The following ATXN3 variants were observed in gnomAD, a reference collection of about 807,000 sequenced individuals.
ATXN3 encodes the protein ataxin-3.
In ATXN3, 28 loss-of-function variants were observed where a neutral mutation model predicts 58.2. That is an observed-to-expected ratio of 0.48 (90% CI 0.36 to 0.66). The LOEUF is 0.66. ATXN3 is among the 30% of genes least tolerant of loss of function. ATXN3 has a pLI of 0.00. For missense variants in ATXN3, 321 were observed against 422.1 expected (o/e 0.76, Z 2.10); for synonymous variants, 113 against 138.5 (o/e 0.82, Z 1.29).
intron 1 of ATXN3, among the ~76,000 whole-genome samples, chr14:92,104,275 G>A (rs1009131639): frequency 3.3e-5 from 5 of 152,062 alleles, no homozygotes; most frequent in Non-Finnish European, 7.4e-5. Flanking sequence ...AGAGTACCTG[G>A]GATTACAGGC....
upstream of ATXN3, among the ~76,000 whole-genome samples, chr14:92,051,509 T>A (rs2057447584): frequency 6.6e-6 from 1 of 152,058 alleles, no homozygotes; most frequent in Admixed American, 6.6e-5. Flanking sequence ...TTGTCAGATC[T>A]TCTCTTTATT....
At chr14:92,102,893 T>C (rs2067168651) in intron 1 of ATXN3, among the ~76,000 whole-genome samples, 1 of 152,038 alleles carries the variant, frequency 6.6e-6, no homozygotes, top group Non-Finnish European at 1.5e-5. Context: ...GAATTTGGCT[T>C]CTCCTAAAGC....
chr14:92,083,084 G>C (rs1001679631), intron 7 of ATXN3, 42 bp downstream of exon 7: 1 of 1,560,692 alleles, frequency 6.4e-7, no homozygotes, highest in Admixed American at 2.1e-5. Context: ...TTCTCATAAT[G>C]AAATACTACC....
Position 92,064,237 on chromosome 14 carries a change from C to A in ATXN3, c.*83G>T. On this transcript the variant is annotated 3_prime_UTR_variant, in exon 11 of 11. Transcript: ENST00000644486. ...AAGTCTTATTTCCTCATCTCTTTGACACATTACCAAAGTGGACCCTATGCT... is the reference window on the plus strand; with the variant it reads ...AAGTCTTATTTCCTCATCTCTTTGAAACATTACCAAAGTGGACCCTATGCT... 1.0e-6 allele frequency: 1 copy of A among 964,152 alleles called. No homozygotes were observed. The highest frequency in any genetic ancestry group is 1.6e-6 in the Non-Finnish European group (1 of 636,478). 59.7% of individuals were successfully genotyped at this position (964,152 alleles called of 1,614,324 possible). A position where few individuals can be genotyped will look rare whatever the true frequency, so the allele number is the denominator to read the frequency against.
In ATXN3 at chr14:92,071,066, A is replaced by C. The variant is rs757526227; in HGVS notation, c.873-13T>G. 1.8e-6 allele frequency: 2 copies of C among 1,087,638 alleles called. No individual in the cohort carries two copies. Among genetic ancestry groups the C allele is most frequent in the African/African-American group, 3.4e-5 (1 of 29,354 alleles). The allele number at this position is 1,087,638 out of a possible 1,614,324, so 67.4% of individuals were successfully genotyped here. On this transcript the variant is annotated splice_polypyrimidine_tract_variant and intron_variant, in intron 9 of 10. Coordinates refer to ENST00000644486, the MANE Select transcript of ATXN3 (RefSeq NM_004993.6). ...CTTTTGCTGCTGTCTGAAACATTCAAAAGTGAAGTATATTTAAAAAACAAA... is the reference window on the plus strand; with the variant it reads ...CTTTTGCTGCTGTCTGAAACATTCACAAGTGAAGTATATTTAAAAAACAAA...
chr14:92,060,358 T>C lies in ATXN3; in HGVS notation c.*3962A>G, dbSNP rs1369606240. ...TTGGCACTCTGCAACCTCTGCCTCC[T>C]AGGCTCATGCGATTCTTAGCCTCCT... On this transcript the variant is annotated 3_prime_UTR_variant, in exon 11 of 11. Transcript: ENST00000644486. 2 of 151,190 alleles carry C rather than the reference T, an allele frequency of 1.3e-5. No homozygotes were observed. Among genetic ancestry groups the C allele is most frequent in the Non-Finnish European group, 2.9e-5 (2 of 67,874 alleles). 9.4% of individuals were successfully genotyped at this position (151,190 alleles called of 1,614,324 possible).
At chr14:92,104,999 T>C (rs2067908986) in intron 1 of ATXN3, among the ~76,000 whole-genome samples, 1 of 152,036 alleles carries the variant, frequency 6.6e-6, no homozygotes, top group African/African-American at 2.4e-5. Context: ...CTATTGTCTA[T>C]GATTTACGAG....
intron 10 of ATXN3, 171 bp downstream of exon 10, chr14:92,070,764 T>TTTG: frequency 3.0e-6 from 4 of 1,347,298 alleles, no homozygotes; most frequent in African/African-American, 1.5e-5. Flanking sequence ...TTTTTTTCTT[T>TTTG]TGGTAACTGC....
chr14:92,083,269 A>G lies in ATXN3; in HGVS notation c.476-11T>C, dbSNP rs776626841. ...CAAATATAGAATAACCTAAAAAAAA[A>G]AGGCAAAAATCAACCTAACCAGTTA... On this transcript the variant is annotated splice_polypyrimidine_tract_variant and intron_variant, in intron 6 of 10. Transcript: ENST00000644486. The G allele has an allele frequency of 5.0e-6, 8 of 1,590,928 alleles. No homozygotes were observed. Among genetic ancestry groups the G allele is most frequent in the Admixed American group, 1.9e-5 (1 of 52,908 alleles).
downstream of ATXN3, among the ~76,000 whole-genome samples, chr14:92,057,690 A>AT (rs1235796990): frequency 3.9e-5 from 6 of 152,120 alleles, no homozygotes; most frequent in African/African-American, 1.4e-4. Context: ...ACCCTCATAA[A>AT]ATTTGAGGAC....
chr14:92,065,237 C>T (rs1016700511), intron 10 of ATXN3, among the ~76,000 whole-genome samples: 1 of 152,140 alleles, frequency 6.6e-6, no homozygotes, highest in African/African-American at 2.4e-5. Context: ...CTTTTTTGCA[C>T]TCAGCATAAT....
At chr14:92,051,313 G>A (rs558142087), upstream of ATXN3, among the ~76,000 whole-genome samples, 1 of 152,050 alleles carries the variant, frequency 6.6e-6, no homozygotes, top group East Asian at 1.9e-4. Flanking sequence ...TTTTAAATTT[G>A]TACAATTTTC....
chr14:92,089,794 A>G (rs934871265), intron 5 of ATXN3, among the ~76,000 whole-genome samples: 35 of 152,230 alleles, frequency 2.3e-4, no homozygotes, highest in African/African-American at 8.0e-4. Context: ...AACTCCAATC[A>G]TATCTATCAC....
chr14:92,100,434 C>T (rs926681075), intron 1 of ATXN3, among the ~76,000 whole-genome samples: 1 of 151,816 alleles, frequency 6.6e-6, no homozygotes, highest in Non-Finnish European at 1.5e-5. Flanking sequence ...AAACTGGAAA[C>T]GACCCAAATG....
intron 9 of ATXN3, among the ~76,000 whole-genome samples, chr14:92,071,929 T>C (rs939170053): frequency 5.9e-5 from 9 of 152,224 alleles, no homozygotes; most frequent in Non-Finnish European, 8.8e-5. Flanking sequence ...GTGTTCTCTT[T>C]ATTTCCCTCT....
intron 10 of ATXN3, among the ~76,000 whole-genome samples, chr14:92,066,590 GT>G (rs1401660894): frequency 7.2e-4 from 98 of 135,378 alleles, no homozygotes; most frequent in Non-Finnish European, 1.3e-3. Flanking sequence ...TGGGTTTAGA[GT>G]TTTTTTCTTG....
chr14:92,100,141 C>T (rs1566986171), intron 1 of ATXN3, among the ~76,000 whole-genome samples: 1 of 152,062 alleles, frequency 6.6e-6, no homozygotes, highest in South Asian at 2.1e-4. Flanking sequence ...ATTAGAGATA[C>T]AGAAACTGTT....
At chr14:92,074,414 G>A (rs2059995452) in intron 9 of ATXN3, among the ~76,000 whole-genome samples, 2 of 152,238 alleles carry the variant, frequency 1.3e-5, no homozygotes, top group Non-Finnish European at 2.9e-5. Context: ...CCATTTGGGA[G>A]ATGCCAGTCC....
downstream of ATXN3, among the ~76,000 whole-genome samples, chr14:92,057,059 C>G (rs1352626215): frequency 2.6e-5 from 4 of 152,194 alleles, no homozygotes; most frequent in Non-Finnish European, 5.9e-5. Context: ...AATGCCATGG[C>G]AATGCCGGGA....
Sources: gnomAD v4.1 joint callset for allele counts (sites outside exome capture counted in the v4.1 genomes callset) on GRCh38, gnomAD v4.1.1 for gene constraint, MANE v1.5 for transcripts, NCBI Gene and HGNC (gene_info 2026-07-23, HGNC 2026-07-21) for gene names.